LCOR: variants seen among roughly 807,000 people sequenced by gnomAD.
LCOR encodes the protein ligand-dependent corepressor.
Under a neutral mutation model 64.4 loss-of-function variants are expected in LCOR, and 14 were observed. The ratio of observed to expected loss-of-function variants is 0.22; its 90% confidence interval spans 0.14 to 0.34. The LOEUF (loss-of-function observed/expected upper bound fraction) is 0.34. Among genes scored for constraint, LCOR ranks in the 10% least tolerant of loss-of-function variants. LCOR has a pLI of 1.00. For synonymous variants in LCOR, 643 were observed against 642.5 expected, an observed-to-expected ratio of 1.00 and a Z score of -0.01; for missense variants, 1,686 against 1,765.3, an observed-to-expected ratio of 0.96 and a Z score of 0.80.
chr10:96,933,982 T>C (rs1847307006), intron 4 of LCOR, among the ~76,000 whole-genome samples: 1 of 152,212 alleles, frequency 6.6e-6, no homozygotes, highest in Non-Finnish European at 1.5e-5. Flanking sequence ...AAGAGTTTTA[T>C]AGCATTTGTT....
At chr10:96,967,027 A>G (rs997070193) in intron 7 of LCOR, among the ~76,000 whole-genome samples, 1 of 152,226 alleles carries the variant, frequency 6.6e-6, no homozygotes, top group Non-Finnish European at 1.5e-5. Flanking sequence ...ATGAGCCATC[A>G]TGCCTGGCCG....
At chr10:96,881,267 A>G (rs980463981) in intron 2 of LCOR, among the ~76,000 whole-genome samples, 6 of 152,210 alleles carry the variant, frequency 3.9e-5, no homozygotes, top group Non-Finnish European at 8.8e-5. Context: ...AATAGTACCT[A>G]TCTCAGAATT....
chr10:96,980,251 T>G (rs1459656563), intron 7 of LCOR, among the ~76,000 whole-genome samples: 1 of 152,166 alleles, frequency 6.6e-6, no homozygotes, highest in Non-Finnish European at 1.5e-5. Flanking sequence ...TGTTGTGGAC[T>G]TATAAACCCA....
intron 2 of LCOR, among the ~76,000 whole-genome samples, chr10:96,902,980 C>T (rs1402500334): frequency 4.6e-5 from 7 of 152,166 alleles, no homozygotes; most frequent in Non-Finnish European, 8.8e-5. Context: ...TGCTGCTAGC[C>T]TGCAAATCTG....
intron 2 of LCOR, among the ~76,000 whole-genome samples, chr10:96,902,954 A>C (rs111995148): frequency 9.2e-5 from 14 of 152,214 alleles, no homozygotes; most frequent in African/African-American, 3.4e-4. Context: ...TACCTAGGCT[A>C]TTTGGTATAG....
chr10:96,958,442 G>A (rs185809316), intron 7 of LCOR: 10 of 1,248,166 alleles, frequency 8.0e-6, no homozygotes, highest in Non-Finnish European at 1.1e-5. Flanking sequence ...GAAGAATGGT[G>A]TGCCTACCCT....
intron 2 of LCOR, among the ~76,000 whole-genome samples, chr10:96,900,835 C>G (rs1001744993): frequency 2.6e-5 from 4 of 150,956 alleles, no homozygotes; most frequent in Non-Finnish European, 5.9e-5. Context: ...TTCATTTTTC[C>G]TCTAGAATTT....
intron 3 of LCOR, 57 bp from the exon 4 acceptor site, chr10:96,907,611 A>G (rs1429189826): frequency 3.0e-6 from 2 of 660,536 alleles, no homozygotes; most frequent in Non-Finnish European, 3.8e-6. Flanking sequence ...AATTAATTCT[A>G]ATTTATTTTC....
At chr10:96,964,090 GT>G (rs1847922331) in intron 7 of LCOR, 2 of 152,126 alleles carry the variant, frequency 1.3e-5, no homozygotes, top group South Asian at 4.1e-4. Context: ...CAATGTTTAT[GT>G]AGTAGAGCAC....
intron 4 of LCOR, among the ~76,000 whole-genome samples, chr10:96,922,020 TTTC>T (rs1847089814): frequency 6.6e-6 from 1 of 152,234 alleles, no homozygotes; most frequent in African/African-American, 2.4e-5. Context: ...CCAGAATGTT[TTTC>T]TTTTTCAATA....
intron 7 of LCOR, chr10:96,958,521 G>T: frequency 1.4e-6 from 1 of 733,528 alleles, no homozygotes; most frequent in Non-Finnish European, 2.4e-6. Context: ...TGTAAATAGT[G>T]AAAATTTGAG....
chr10:96,939,364 A>G (rs1847407760), intron 4 of LCOR, among the ~76,000 whole-genome samples: 1 of 152,234 alleles, frequency 6.6e-6, no homozygotes, highest in African/African-American at 2.4e-5. Context: ...GACATGTATT[A>G]TAGACCTAAA....
intron 4 of LCOR, among the ~76,000 whole-genome samples, chr10:96,916,669 C>T (rs1393992338): frequency 6.6e-6 from 1 of 151,044 alleles, no homozygotes; most frequent in Non-Finnish European, 1.5e-5. Flanking sequence ...AGCTGGAGTA[C>T]GGTGGCACGA....
chr10:96,929,713 C>T (rs1167357968), intron 4 of LCOR, among the ~76,000 whole-genome samples: 1 of 152,226 alleles, frequency 6.6e-6, no homozygotes, highest in Non-Finnish European at 1.5e-5. Context: ...GACCTGTCAG[C>T]TTTCAGCATG....
intron 7 of LCOR, among the ~76,000 whole-genome samples, chr10:96,978,866 C>CTT (rs2134560458): frequency 6.6e-6 from 1 of 152,302 alleles, no homozygotes; most frequent in South Asian, 2.1e-4. Context: ...GTGCTTTGTG[C>CTT]TTTATGTTTT....
chr10:96,856,778 A>G (rs1340600193), intron 2 of LCOR, among the ~76,000 whole-genome samples: 1 of 151,974 alleles, frequency 6.6e-6, no homozygotes, highest in African/African-American at 2.4e-5. Context: ...TGCCCAGCTA[A>G]TACTGTTTTT....
At chr10:96,934,629 T>C (rs1016588854) in intron 4 of LCOR, among the ~76,000 whole-genome samples, 1 of 152,028 alleles carries the variant, frequency 6.6e-6, no homozygotes, top group African/African-American at 2.4e-5. Flanking sequence ...TAAGACAGAG[T>C]GTCACTCTGT....
intron 5 of LCOR, among the ~76,000 whole-genome samples, chr10:96,944,585 CTG>C (rs1359844673): frequency 6.8e-6 from 1 of 147,930 alleles, no homozygotes; most frequent in Non-Finnish European, 1.5e-5. Flanking sequence ...CTAAATCCAA[CTG>C]TGTGATTTTT....
chr10:96,983,697 T>C lies in LCOR; in HGVS notation c.3237T>C (p.Ser1079=), dbSNP rs1446485620. The C allele has an allele frequency of 1.9e-6, 3 of 1,613,958 alleles. No individual in the cohort carries two copies. In the Admixed American group the frequency reaches 5.0e-5, roughly 27 times the overall value. The change falls in exon 8 of 8, where the codon AGT becomes AGC. Residue 1079 remains serine (S), a synonymous_variant. Coordinates refer to ENST00000421806, the MANE Select transcript of LCOR (RefSeq NM_001346516.2). The surrounding 1 kb of genome is among the most constrained non-coding windows in gnomAD (Gnocchi z 4.5). ...CAAAGGAAAATGGAGCTTCAGAGAG[T>C]GGAGACCCCCTAGATGAGGACGATG... ...IMPKENGASE[S]GDPLDEDDVD... is the part of the protein sequence containing the mutation.
Sources: gnomAD v4.1 joint callset for allele counts (sites outside exome capture counted in the v4.1 genomes callset) on GRCh38, gnomAD v4.1.1 for gene constraint, Gnocchi (gnomAD v3.1) non-coding constraint, MANE v1.5 for transcripts, NCBI Gene and HGNC (gene_info 2026-07-23, HGNC 2026-07-21) for gene names.